SGCZ: variants seen among roughly 807,000 people sequenced by gnomAD.
The protein encoded by SGCZ is zeta-sarcoglycan.
In SGCZ, 40 loss-of-function variants were observed where a neutral mutation model predicts 41.3. That is an observed-to-expected ratio of 0.97 (90% CI 0.75 to 1.26). The LOEUF is 1.26. Ranked by LOEUF, SGCZ falls within the 50% of genes most tolerant of loss-of-function variation. SGCZ has a pLI of 0.00. For synonymous variants in SGCZ, 206 were observed against 137.5 expected (o/e 1.50, Z -3.49); for missense variants, 552 against 369.8 (o/e 1.49, Z -4.04).
chr8:14,741,659 A>C (rs1405608697), intron 1 of SGCZ, among the ~76,000 whole-genome samples: 1 of 152,132 alleles, frequency 6.6e-6, no homozygotes, highest in Non-Finnish European at 1.5e-5. Context: ...GCAATAAACC[A>C]TACTAGCACA....
intron 1 of SGCZ, among the ~76,000 whole-genome samples, chr8:14,866,875 G>T (rs910390968): frequency 6.6e-6 from 1 of 152,154 alleles, no homozygotes; most frequent in Non-Finnish European, 1.5e-5. Context: ...TTATCTGCTT[G>T]CAGTGGGATA....
intron 1 of SGCZ, among the ~76,000 whole-genome samples, chr8:15,009,855 T>C (rs540599719): frequency 6.6e-6 from 1 of 152,312 alleles, no homozygotes; most frequent in East Asian, 1.9e-4. Flanking sequence ...TAATAATGTG[T>C]CATACAATAA....
At chr8:14,408,875 T>C (rs1019326397) in intron 2 of SGCZ, among the ~76,000 whole-genome samples, 1 of 152,190 alleles carries the variant, frequency 6.6e-6, no homozygotes, top group African/African-American at 2.4e-5. Flanking sequence ...GAATTTTACT[T>C]CAAATTCTTT....
intron 1 of SGCZ, among the ~76,000 whole-genome samples, chr8:15,023,130 G>A (rs979328769): frequency 2.0e-5 from 3 of 152,138 alleles, no homozygotes; most frequent in South Asian, 4.1e-4. Flanking sequence ...TCTACTCTAT[G>A]AGCTGGAAAA....
chr8:14,791,914 T>C (rs1172365501), intron 1 of SGCZ, among the ~76,000 whole-genome samples: 1 of 152,222 alleles, frequency 6.6e-6, no homozygotes, highest in African/African-American at 2.4e-5. Flanking sequence ...CTAGCCGCAC[T>C]TTCTCAATGC....
At chr8:15,036,580 T>TATAAA (rs1585497855) in intron 1 of SGCZ, among the ~76,000 whole-genome samples, 1 of 151,990 alleles carries the variant, frequency 6.6e-6, no homozygotes, top group Non-Finnish European at 1.5e-5. Flanking sequence ...GAATAAAAAA[T>TATAAA]ATAAAATAAA....
At chr8:14,830,120 A>AT (rs1433724101) in intron 1 of SGCZ, among the ~76,000 whole-genome samples, 1 of 152,046 alleles carries the variant, frequency 6.6e-6, no homozygotes, top group African/African-American at 2.4e-5. Flanking sequence ...TTATGTTTGT[A>AT]TTTTTTATTT....
chr8:15,118,427 C>A lies in SGCZ; in HGVS notation c.39+119158G>T, dbSNP rs117356464. Among the ~76,000 whole-genome samples the A allele has an allele frequency of 1.7e-3, 259 of 152,188 alleles. 3 individuals are homozygous for A. In the East Asian group the frequency reaches 0.043, roughly 25 times the overall value. On this transcript the variant is annotated intron_variant, in intron 1 of 7. Coordinates refer to ENST00000382080, the MANE Select transcript of SGCZ (RefSeq NM_139167.4). ...GGGAGGCTTGAAAATGCAGTGGGGA[C>A]ACTAGGATCCCCAGAACTGCCTACT...
At chr8:14,967,115 A>T (rs1388202705) in intron 1 of SGCZ, among the ~76,000 whole-genome samples, 1 of 152,162 alleles carries the variant, frequency 6.6e-6, no homozygotes, top group Admixed American at 6.6e-5. Context: ...GAATAAGTAA[A>T]CTGTAACATA....
Position 14,942,991 on chromosome 8 carries a change from T to A in SGCZ, c.39+294594A>T, listed in dbSNP as rs980602469. On this transcript the variant is annotated intron_variant, in intron 1 of 7. Coordinates refer to ENST00000382080, the MANE Select transcript of SGCZ (RefSeq NM_139167.4). ...GATTGATTGCTGAATCATGCCAGTC[T>A]TATTGAGACACATTCAACTCTTACA... 3.3e-5 allele frequency among the ~76,000 whole-genome samples: 5 copies of A among 152,290 alleles called. 1 individual carries two copies. Among genetic ancestry groups the A allele is most frequent in the Admixed American group, 3.3e-4 (5 of 15,288 alleles).
chr8:14,320,058 T>C (rs2062986004), intron 3 of SGCZ, among the ~76,000 whole-genome samples: 1 of 152,006 alleles, frequency 6.6e-6, no homozygotes, highest in African/African-American at 2.4e-5. Context: ...CTTTTATTTG[T>C]GCAAATATAT....
intron 1 of SGCZ, among the ~76,000 whole-genome samples, chr8:15,045,618 T>C (rs1219958062): frequency 6.6e-6 from 1 of 152,110 alleles, no homozygotes; most frequent in Non-Finnish European, 1.5e-5. Flanking sequence ...GCAAAGCACA[T>C]TTGTTTATGT....
At chr8:14,920,624 C>T (rs1221458412) in intron 1 of SGCZ, among the ~76,000 whole-genome samples, 2 of 151,980 alleles carry the variant, frequency 1.3e-5, no homozygotes, top group East Asian at 1.9e-4. Flanking sequence ...ATAGAGGAGG[C>T]TATTAACATG....
Position 15,048,062 on chromosome 8 carries a change from T to C in SGCZ, c.39+189523A>G, listed in dbSNP as rs563407746. On this transcript the variant is annotated intron_variant, in intron 1 of 7. Transcript: ENST00000382080. ...ATATTCATTGCACCATTCTTCACAATAGCCAAGATATGGAGTCAATCTACC... is the reference window on the plus strand; with the variant it reads ...ATATTCATTGCACCATTCTTCACAACAGCCAAGATATGGAGTCAATCTACC... 7.9e-5 allele frequency among the ~76,000 whole-genome samples: 12 copies of C among 152,066 alleles called. No individual in the cohort carries two copies. The South Asian group carries it at 2.3e-3, about 29-fold the overall frequency.
chr8:14,971,076 T>C lies in SGCZ; in HGVS notation c.39+266509A>G, dbSNP rs551507128. 5.3e-4 allele frequency among the ~76,000 whole-genome samples: 80 copies of C among 152,332 alleles called. 1 individual carries two copies. Among genetic ancestry groups the C allele is most frequent in the African/African-American group, 1.8e-3 (75 of 41,582 alleles). ...TATTTTTCTTATTTTCAATTGCTTG[T>C]TGCTAGTTTATGAAAATACAATTGA... On this transcript the variant is annotated intron_variant, in intron 1 of 7. Coordinates refer to ENST00000382080, the MANE Select transcript of SGCZ (RefSeq NM_139167.4).
intron 2 of SGCZ, among the ~76,000 whole-genome samples, chr8:14,503,390 C>T (rs34448203): frequency 0.19 from 28,701 of 151,998 alleles, 2,902 homozygotes; most frequent in Admixed American, 0.24. Context: ...CACGTGCATA[C>T]CTATGTAACA....
At chr8:15,080,357 A>C (rs1805694346) in intron 1 of SGCZ, among the ~76,000 whole-genome samples, 1 of 152,014 alleles carries the variant, frequency 6.6e-6, no homozygotes, top group Admixed American at 6.6e-5. Flanking sequence ...ACATGCACTC[A>C]GCGTCAAAGG....
intron 2 of SGCZ, among the ~76,000 whole-genome samples, chr8:14,394,243 C>A (rs1804899354): frequency 6.6e-6 from 1 of 150,910 alleles, no homozygotes; most frequent in Admixed American, 6.6e-5. Context: ...CTCTGCCTCC[C>A]AGGTTTAAGT....
chr8:14,235,128 A>G (rs1323137186), intron 4 of SGCZ, among the ~76,000 whole-genome samples: 1 of 152,216 alleles, frequency 6.6e-6, no homozygotes, highest in Non-Finnish European at 1.5e-5. Flanking sequence ...TAGAGATGAG[A>G]AAACGGAGTG....
Sources: gnomAD v4.1 joint callset for allele counts (sites outside exome capture counted in the v4.1 genomes callset) on GRCh38, gnomAD v4.1.1 for gene constraint, MANE v1.5 for transcripts, NCBI Gene and HGNC (gene_info 2026-07-23, HGNC 2026-07-21) for gene names.